The following SIPA1L3 variants were observed in gnomAD, a reference collection of about 807,000 sequenced individuals.
SIPA1L3 encodes the protein signal induced proliferation associated 1 like 3, also known as signal-induced proliferation-associated 1-like protein 3.
Under a neutral mutation model 150.1 loss-of-function variants are expected in SIPA1L3, and 59 were observed. The ratio of observed to expected loss-of-function variants is 0.39; its 90% CI spans 0.32 to 0.49. The LOEUF (loss-of-function observed/expected upper bound fraction) is 0.49, where lower values mean the gene tolerates loss of function less well. Among genes scored for constraint, SIPA1L3 ranks in the 20% least tolerant of loss-of-function variants. SIPA1L3 has a pLI of 0.86. For missense variants in SIPA1L3, 2,211 were observed against 2,489.5 expected, an observed-to-expected ratio of 0.89 and a Z score of 2.38; for synonymous variants, 1,070 against 1,077.6, an observed-to-expected ratio of 0.99 and a Z score of 0.14.
chr19:38,058,694 A>G (rs113346543), intron 2 of SIPA1L3, among the ~76,000 whole-genome samples: 187 of 152,230 alleles, frequency 1.2e-3, no homozygotes, highest in Middle Eastern at 3.4e-3. Flanking sequence ...AGGGTGATCA[A>G]ACAGCTGAGT....
At chr19:38,099,921 T>A (rs1568549391) in intron 4 of SIPA1L3, 41 bp from the exon 5 acceptor site, 15 of 1,502,272 alleles carry the variant, frequency 1.0e-5, no homozygotes, top group Non-Finnish European at 1.3e-5. Flanking sequence ...CCTTTTTAGG[T>A]CTCGAGAGCC....
At chr19:38,142,780 A>G in intron 12 of SIPA1L3, 70 bp downstream of exon 12, 12 of 1,519,894 alleles carry the variant, frequency 7.9e-6, no homozygotes, top group Non-Finnish European at 1.1e-5. Context: ...TCCCCAGCAA[A>G]TGCACACCCC....
Position 38,192,231 on chromosome 19 carries a change from A to G in SIPA1L3, c.4517A>G (p.Tyr1506Cys). 6.2e-7 allele frequency: 1 copy of G among 1,613,746 alleles called. No homozygotes were observed. The highest frequency in any genetic ancestry group is 1.1e-5 in the South Asian group (1 of 91,042). The change falls in exon 17 of 22, where the codon TAC (tyrosine) becomes TGC (cysteine). Residue 1506 changes from tyrosine to cysteine, a missense_variant. By Grantham distance (194) the Tyr-to-Cys change is radical. Coordinates refer to ENST00000222345, the MANE Select transcript of SIPA1L3 (RefSeq NM_015073.3). ...GACCTCCGGTCACCACGGAAGAACT[A>G]CAAATCCACCATCGAGGATGACCTG... is the stretch of plus-strand genomic sequence containing the variant. ...LRDLRSPRKN[Y>C]KSTIEDDLKK...
At chr19:38,037,602 A>T (rs1011494782) in intron 2 of SIPA1L3, among the ~76,000 whole-genome samples, 3 of 152,040 alleles carry the variant, frequency 2.0e-5, no homozygotes, top group African/African-American at 7.3e-5. Flanking sequence ...CTGAGTTCCC[A>T]CTCTTTGGCA....
chr19:38,102,742 G>A (rs972813295), intron 6 of SIPA1L3, among the ~76,000 whole-genome samples: 2 of 151,248 alleles, frequency 1.3e-5, no homozygotes, highest in African/African-American at 4.9e-5. Flanking sequence ...TGAGGCGGGT[G>A]GATTGCTTGA....
intron 1 of SIPA1L3, among the ~76,000 whole-genome samples, chr19:38,020,220 A>C (rs1248197719): frequency 6.6e-6 from 1 of 152,182 alleles, no homozygotes; most frequent in East Asian, 1.9e-4. Flanking sequence ...CAACACCCTT[A>C]CTATTATCCC....
At chr19:38,170,428 C>A (rs752401967) in intron 15 of SIPA1L3, among the ~76,000 whole-genome samples, 1 of 152,182 alleles carries the variant, frequency 6.6e-6, no homozygotes, top group African/African-American at 2.4e-5. Flanking sequence ...TCAGAACGTG[C>A]CCCTGGGCTG....
At chr19:38,002,358 G>A (rs1443897143) in intron 1 of SIPA1L3, among the ~76,000 whole-genome samples, 2 of 152,058 alleles carry the variant, frequency 1.3e-5, no homozygotes, top group Non-Finnish European at 2.9e-5. Context: ...CATTCATGTT[G>A]TATATATCAG....
intron 1 of SIPA1L3, among the ~76,000 whole-genome samples, chr19:38,024,014 AG>A (rs1968443621): frequency 6.7e-6 from 1 of 148,256 alleles, no homozygotes. Flanking sequence ...TTCCTTGGGG[AG>A]GGGGAGGGGG....
rs538407518 is a variant in SIPA1L3 at position 38,018,849 on chromosome 19, C to T, written c.-378-10240C>T. ...GTGAGGGCAGGTACATTTTGTTCAC[C>T]GTACCTAGCATCCTACCCCACACAG... On this transcript the variant is annotated intron_variant, in intron 1 of 21. Coordinates refer to ENST00000222345, the MANE Select transcript of SIPA1L3 (RefSeq NM_015073.3). Among the ~76,000 whole-genome samples, 26 of 152,198 alleles carry T rather than the reference C, an allele frequency of 1.7e-4. No individual in the cohort carries two copies. The East Asian group carries it at 4.1e-3, about 24-fold the overall frequency.
At chr19:38,174,833 CAA>C (rs112969587) in intron 15 of SIPA1L3, among the ~76,000 whole-genome samples, 9 of 129,106 alleles carry the variant, frequency 7.0e-5, no homozygotes, top group Non-Finnish European at 8.4e-5. Flanking sequence ...GACTCTTTCT[CAA>C]AAAAAAAAAA....
At chr19:38,182,260 G>A (rs1307356411) in intron 15 of SIPA1L3, among the ~76,000 whole-genome samples, 1 of 152,178 alleles carries the variant, frequency 6.6e-6, no homozygotes, top group Non-Finnish European at 1.5e-5. Context: ...GGAGACGGGA[G>A]TGAATTTTTC....
intron 1 of SIPA1L3, among the ~76,000 whole-genome samples, chr19:38,003,102 C>T (rs1967848732): frequency 6.6e-6 from 1 of 152,096 alleles, no homozygotes; most frequent in Non-Finnish European, 1.5e-5. Flanking sequence ...GCCGAGTTCA[C>T]ACACTCCAGC....
chr19:38,139,866 C>T (rs1256660289), intron 10 of SIPA1L3, among the ~76,000 whole-genome samples: 1 of 152,132 alleles, frequency 6.6e-6, no homozygotes, highest in Admixed American at 6.6e-5. Context: ...GACAGGAACG[C>T]CACGTCCAAA....
intron 6 of SIPA1L3, among the ~76,000 whole-genome samples, chr19:38,106,000 C>T (rs1032334291): frequency 6.6e-6 from 1 of 152,198 alleles, no homozygotes; most frequent in African/African-American, 2.4e-5. Context: ...CTCAAGGGTT[C>T]CATTTGCTCC....
intron 13 of SIPA1L3, among the ~76,000 whole-genome samples, chr19:38,155,568 G>T (rs962762217): frequency 2.0e-5 from 3 of 152,208 alleles, no homozygotes; most frequent in African/African-American, 7.2e-5. Flanking sequence ...ATGAATGGGC[G>T]AGATGGATTC....
At chr19:38,134,707 GAAAAAAAAAAAAAA>G (rs3083628) in intron 10 of SIPA1L3, among the ~76,000 whole-genome samples, 6 of 91,052 alleles carry the variant, frequency 6.6e-5, no homozygotes, top group Non-Finnish European at 6.0e-5. Context: ...TCTGTTTCAG[GAAAAAAAAAAAAAA>G]AAAAAAAAAA....
chr19:38,097,739 T>C (rs1379200352), intron 4 of SIPA1L3, among the ~76,000 whole-genome samples: 4 of 152,198 alleles, frequency 2.6e-5, no homozygotes, highest in African/African-American at 9.6e-5. Context: ...GTATTTTTAG[T>C]AGAGACAGGG....
In SIPA1L3 at chr19:38,100,138, C is replaced by T. The variant is rs376973967; in HGVS notation, c.1842C>T (p.Leu614=). ...AGGTGACGGAGCAACTGCTGAAGCT[C>T]GATGAGCAAGGGGTGAGTCAGGGGC... ...TPKVTEQLLK[L]DEQGLCRKHK... The change falls in exon 5 of 22, where the codon CTC becomes CTT. Residue 614 remains leucine (L), a synonymous_variant. Transcript: ENST00000222345. 61 of 1,584,926 alleles carry T rather than the reference C, an allele frequency of 3.8e-5. No individual in the cohort carries two copies. The highest frequency in any genetic ancestry group is 8.2e-5 in the African/African-American group (6 of 73,336).
Sources: gnomAD v4.1 joint callset for allele counts (sites outside exome capture counted in the v4.1 genomes callset) on GRCh38, gnomAD v4.1.1 for gene constraint, MANE v1.5 for transcripts, NCBI Gene and HGNC (gene_info 2026-07-23, HGNC 2026-07-21) for gene names.